The following TTC22 variants were observed in gnomAD, a reference collection of about 807,000 sequenced individuals.
TTC22 encodes the protein tetratricopeptide repeat protein 22.
Under a neutral mutation model 48.2 loss-of-function variants are expected in TTC22, and 42 were observed. The observed-to-expected ratio is 0.87, with a 90% CI of 0.68 to 1.13. The LOEUF is 1.13. Among genes scored for constraint, TTC22 ranks in the 50% most tolerant of loss-of-function variants. TTC22 has a pLI of 0.00. For missense variants in TTC22, 784 were observed against 807.0 expected (o/e 0.97, Z 0.34); for synonymous variants, 345 against 365.5 (o/e 0.94, Z 0.64).
chr1:54,779,863 G>A lies in TTC22; in HGVS notation c.*1380C>T, dbSNP rs915216725. 1.3e-5 allele frequency: 2 copies of A among 152,242 alleles called. No individual in the cohort carries two copies. The highest frequency in any genetic ancestry group is 4.8e-5 in the African/African-American group (2 of 41,448). 9.4% of individuals were successfully genotyped at this position (152,242 alleles called of 1,614,324 possible). ...TCCCATCTGCACAATGAGGGGGTTG[G>A]AGTGTGTGGTCTCTAAGGCACTGAA... On this transcript the variant is annotated 3_prime_UTR_variant, in exon 7 of 7. Coordinates refer to ENST00000371276, the MANE Select transcript of TTC22 (RefSeq NM_001114108.2).
chr1:54,789,497 AG>A, intron 1 of TTC22, among the ~76,000 whole-genome samples: 1 of 152,290 alleles, frequency 6.6e-6, no homozygotes, highest in East Asian at 1.9e-4. Context: ...ATGAATTTGA[AG>A]GGAGGGGTCC....
chr1:54,796,458 G>A (rs1198837612), intron 1 of TTC22, among the ~76,000 whole-genome samples: 1 of 151,780 alleles, frequency 6.6e-6, no homozygotes, highest in African/African-American at 2.4e-5. Flanking sequence ...GGGTGCAAGG[G>A]GGAATCACAA....
chr1:54,782,258 G>A, intron 6 of TTC22, 67 bp downstream of exon 6: 1 of 1,433,132 alleles, frequency 7.0e-7, no homozygotes, highest in Non-Finnish European at 9.2e-7. Flanking sequence ...CCTAGCCCTT[G>A]GTCTAGCCTG....
intron 5 of TTC22, 125 bp downstream of exon 5, chr1:54,785,858 C>G: frequency 2.3e-6 from 2 of 881,424 alleles, no homozygotes; most frequent in Non-Finnish European, 3.4e-6. Context: ...TTTTTGATGG[C>G]TCCTAAGCTC....
In TTC22 at chr1:54,788,797, G is replaced by C. The variant is rs558068814; in HGVS notation, c.568-700C>G. Among the ~76,000 whole-genome samples, 624 of 152,204 alleles carry C rather than the reference G, an allele frequency of 4.1e-3. 1 individual carries two copies. Among genetic ancestry groups the C allele is most frequent in the Non-Finnish European group, 6.9e-3 (470 of 68,010 alleles). On this transcript the variant is annotated intron_variant, in intron 1 of 6. Coordinates refer to ENST00000371276, the MANE Select transcript of TTC22 (RefSeq NM_001114108.2). ...GTGGCCTCCTCAGCTGTGGGGGAGG[G>C]GGACCCATCATCTCTCTACCCCCGT... is the stretch of plus-strand genomic sequence containing the variant.
At chr1:54,796,534 G>A (rs1171478977) in intron 1 of TTC22, among the ~76,000 whole-genome samples, 1 of 152,358 alleles carries the variant, frequency 6.6e-6, no homozygotes, top group East Asian at 1.9e-4. Flanking sequence ...AAGATCCTGA[G>A]CTCAGTGCCC....
intron 6 of TTC22, among the ~76,000 whole-genome samples, 171 bp from the exon 7 acceptor site, chr1:54,781,950 C>A (rs1445508474): frequency 6.6e-6 from 1 of 152,248 alleles, no homozygotes; most frequent in Non-Finnish European, 1.5e-5. Context: ...AAAGGAGTAC[C>A]CCGATTCCAG....
At chr1:54,784,414 T>C (rs1646284612) in intron 5 of TTC22, 1 of 360,898 alleles carries the variant, frequency 2.8e-6, no homozygotes, top group Admixed American at 6.4e-5. Context: ...AAAGTTGGAG[T>C]TTCTGATTAT....
At chr1:54,796,198 G>A (rs565358331) in intron 1 of TTC22, among the ~76,000 whole-genome samples, 21 of 152,382 alleles carry the variant, frequency 1.4e-4, no homozygotes, top group African/African-American at 4.3e-4. Flanking sequence ...GTGCGCGTGC[G>A]CACGTGTGGA....
At chr1:54,795,435 GGCCTTGTGAGTCAGCTTT>G (rs1362051486) in intron 1 of TTC22, among the ~76,000 whole-genome samples, 1 of 152,184 alleles carries the variant, frequency 6.6e-6, no homozygotes, top group African/African-American at 2.4e-5. Context: ...TGCAAACACA[GGCCTTGTGAGTCAGCTTT>G]GCTCTGTGCT....
At chr1:54,796,531 T>C (rs533139321) in intron 1 of TTC22, among the ~76,000 whole-genome samples, 1 of 152,362 alleles carries the variant, frequency 6.6e-6, no homozygotes, top group South Asian at 2.1e-4. Flanking sequence ...GGTAAGATCC[T>C]GAGCTCAGTG....
At chr1:54,793,755 C>G (rs1646369774) in intron 1 of TTC22, among the ~76,000 whole-genome samples, 1 of 152,128 alleles carries the variant, frequency 6.6e-6, no homozygotes, top group African/African-American at 2.4e-5. Context: ...ACATGCGTTA[C>G]CCCATTAGAC....
rs576430473 is a variant in TTC22 at position 54,782,331 on chromosome 1, G to A, written c.1167C>T (p.Ile389=). ...VCPGFKAYLD[I]GQVYYYMGVD... is the part of the protein sequence containing the mutation. ...AGCCAAGAGACTGCCTTACCTGGCCGATGTCCAGGTACGCCTTGAAGCCTG... is the reference window on the plus strand; with the variant it reads ...AGCCAAGAGACTGCCTTACCTGGCCAATGTCCAGGTACGCCTTGAAGCCTG... The change falls in exon 6 of 7, where the codon ATC becomes ATT. Residue 389 remains isoleucine (I), a synonymous_variant. Transcript: ENST00000371276. 7.2e-6 allele frequency: 11 copies of A among 1,536,922 alleles called. No homozygotes were observed. Among genetic ancestry groups the A allele is most frequent in the Middle Eastern group, 1.7e-4 (1 of 5,908 alleles).
At chr1:54,794,873 G>T (rs1646378079) in intron 1 of TTC22, 1 of 152,442 alleles carries the variant, frequency 6.6e-6, no homozygotes, top group South Asian at 2.1e-4. Context: ...ACTCTGTGAA[G>T]GCTGACACTG....
Position 54,787,071 on chromosome 1 carries a change from C to A in TTC22, c.744G>T (p.Leu248=). 1 of 1,510,142 alleles carries A rather than the reference C, an allele frequency of 6.6e-7. No individual in the cohort carries two copies. The highest frequency in any genetic ancestry group is 1.3e-5 in the South Asian group (1 of 77,738). The allele number at this position is 1,510,142 out of a possible 1,614,324, so 93.5% of individuals were successfully genotyped here. The change falls in exon 4 of 7, where the codon CTG becomes CTT. Residue 248 remains leucine, a synonymous_variant. Transcript: ENST00000371276. ...LKSEDPRHRA[L]AWCYLGMLLE... The stretch of plus-strand genomic sequence containing the variant: ...GCAGCATCCCGAGGTAGCACCAGGC[C>A]AGGGCTGGGGGTGAAGGGTGGGAGA...
chr1:54,785,232 GAA>G (rs1646290986), intron 5 of TTC22: 1 of 211,286 alleles, frequency 4.7e-6, no homozygotes, highest in African/African-American at 2.4e-5. Flanking sequence ...CTGGCTTTCA[GAA>G]AAGCACCCCC....
intron 1 of TTC22, among the ~76,000 whole-genome samples, chr1:54,799,711 C>A (rs1646418684): frequency 1.3e-5 from 2 of 152,182 alleles, no homozygotes; most frequent in Admixed American, 6.5e-5. Flanking sequence ...AATCAGTGGT[C>A]ATGTCTACAC....
In TTC22 at chr1:54,781,662, G is replaced by A; in HGVS notation, c.1291C>T (p.Leu431=). 6.5e-7 allele frequency: 1 copy of A among 1,531,036 alleles called. No individual in the cohort carries two copies. Among genetic ancestry groups the A allele is most frequent in the East Asian group, 2.5e-5 (1 of 40,484 alleles). 94.8% of individuals were successfully genotyped at this position (1,531,036 alleles called of 1,614,324 possible). A position where few individuals can be genotyped will look rare whatever the true frequency, so the allele number is the denominator to read the frequency against. Residue 431 remains leucine, a synonymous_variant, in exon 7 of 7, where the codon CTG becomes TTG. Coordinates refer to ENST00000371276, the MANE Select transcript of TTC22 (RefSeq NM_001114108.2). ...CCGCGCAGCAGCTGCAGCTCGGGCA[G>A]CGTGGCACCCAGCTCCGACTCGCCC... The part of the protein sequence containing the change: ...KAGESELGAT[L]PELQLLRGKC...
At chr1:54,791,364 C>G (rs138245738) in intron 1 of TTC22, among the ~76,000 whole-genome samples, 1 of 152,264 alleles carries the variant, frequency 6.6e-6, no homozygotes, top group Non-Finnish European at 1.5e-5. Flanking sequence ...GCCTGGCAGG[C>G]CTGGCCATAT....
Sources: allele counts gnomAD v4.1 joint callset (sites outside exome capture counted in the v4.1 genomes callset), GRCh38; gene constraint gnomAD v4.1.1; transcripts MANE v1.5; gene names NCBI Gene and HGNC (gene_info 2026-07-23, HGNC 2026-07-21).